The following RYR3 variants were observed in gnomAD, a reference collection of about 807,000 sequenced individuals.
RYR3 encodes the protein brain ryanodine receptor-calcium release channel.
Under a neutral mutation model 584.3 loss-of-function variants are expected in RYR3, and 207 were observed. The ratio of observed to expected loss-of-function variants is 0.35; its 90% CI spans 0.32 to 0.40. The LOEUF is 0.40. RYR3 is among the 10% of genes least tolerant of loss of function. The probability of loss-of-function intolerance (pLI) is 1.00; values close to 1 mark genes in which losing one functional copy is unlikely to be tolerated. For synonymous variants in RYR3, 2,416 were observed against 2,248.5 expected (o/e 1.07, Z -2.11); for missense variants, 5,616 against 6,089.2 (o/e 0.92, Z 2.59).
chr15:33,426,664 T>C (rs1372531212), intron 1 of RYR3, among the ~76,000 whole-genome samples: 1 of 152,254 alleles, frequency 6.6e-6, no homozygotes, highest in Non-Finnish European at 1.5e-5. Flanking sequence ...TAGTTAAGTA[T>C]ATTACCAGCT....
rs563630176 is a variant in RYR3 at position 33,530,263 on chromosome 15, T to C, written c.280-329T>C. 1.4e-4 allele frequency among the ~76,000 whole-genome samples: 21 copies of C among 152,320 alleles called. No homozygotes were observed. The South Asian group carries it at 4.1e-3, about 30-fold the overall frequency. ...TGTTTCTCTCTCTCACTCTGAACGC[T>C]TCTGAGAAGTTTCAAAGGAAGGTAA... is the stretch of plus-strand genomic sequence containing the variant. On this transcript the variant is annotated intron_variant, in intron 3 of 103. Transcript: ENST00000634891.
At chr15:33,861,848 C>G (rs1888350224) in intron 102 of RYR3, among the ~76,000 whole-genome samples, 1 of 152,158 alleles carries the variant, frequency 6.6e-6, no homozygotes, top group African/African-American at 2.4e-5. Flanking sequence ...TGGTCTTGAA[C>G]TCCTGACCTC....
At chr15:33,393,093 G>A (rs74564084) in intron 1 of RYR3, among the ~76,000 whole-genome samples, 221 of 152,290 alleles carry the variant, frequency 1.5e-3, no homozygotes, top group African/African-American at 4.8e-3. Flanking sequence ...CATGGAACCA[G>A]CTCTATCAAG....
chr15:33,662,360 C>T lies in RYR3; in HGVS notation c.4830C>T (p.Leu1610=), dbSNP rs751075558. The T allele has an allele frequency of 5.6e-6, 9 of 1,612,862 alleles. No individual in the cohort carries two copies. The East Asian group carries it at 6.7e-5, about 12-fold the overall frequency. Reference sequence around the variant, plus strand: ...TTCGATCTGGTTTCTATGACCTGCTCATCAGCATCCACCTGGCCAGCGCCA... The same window carrying T: ...TTCGATCTGGTTTCTATGACCTGCTTATCAGCATCCACCTGGCCAGCGCCA... The part of the protein sequence containing the change: ...GLLRSGFYDL[L]ISIHLASAKE... Residue 1610 remains leucine (L), a synonymous_variant, in exon 35 of 104, where the codon CTC becomes CTT. Transcript: ENST00000634891.
intron 3 of RYR3, among the ~76,000 whole-genome samples, chr15:33,515,234 A>G (rs780928242): frequency 1.3e-5 from 2 of 152,204 alleles, no homozygotes; most frequent in Non-Finnish European, 2.9e-5. Context: ...CCTCACCTCC[A>G]CAATGATACT....
At chr15:33,455,159 A>G (rs917499998) in intron 1 of RYR3, among the ~76,000 whole-genome samples, 3 of 152,116 alleles carry the variant, frequency 2.0e-5, no homozygotes, top group Non-Finnish European at 4.4e-5. Context: ...AGGTCTCTCC[A>G]TGGGTGTGTG....
chr15:33,475,359 G>C (rs2049283988), intron 2 of RYR3, among the ~76,000 whole-genome samples: 1 of 152,168 alleles, frequency 6.6e-6, no homozygotes, highest in South Asian at 2.1e-4. Context: ...TTTTATGGAA[G>C]AGAGTTTTTC....
intron 1 of RYR3, among the ~76,000 whole-genome samples, chr15:33,343,098 C>T (rs1247719047): frequency 2.0e-5 from 3 of 152,156 alleles, no homozygotes; most frequent in African/African-American, 7.2e-5. Context: ...CTTCTTACCT[C>T]CCCACTGTAA....
At chr15:33,587,795 A>AT (rs1340983591) in intron 16 of RYR3, among the ~76,000 whole-genome samples, 1 of 152,108 alleles carries the variant, frequency 6.6e-6, no homozygotes, top group Non-Finnish European at 1.5e-5. Flanking sequence ...GATAGCTTTC[A>AT]TTTTCAAAGA....
At chr15:33,498,359 G>C (rs2051631650) in intron 2 of RYR3, among the ~76,000 whole-genome samples, 1 of 152,096 alleles carries the variant, frequency 6.6e-6, no homozygotes, top group African/African-American at 2.4e-5. Flanking sequence ...GTGATTTTTT[G>C]TCATCTTGAT....
At chr15:33,558,786 A>T (rs1307667140) in intron 10 of RYR3, among the ~76,000 whole-genome samples, 1 of 152,224 alleles carries the variant, frequency 6.6e-6, no homozygotes, top group African/African-American at 2.4e-5. Flanking sequence ...CCAATAAATC[A>T]GGAGACAATC....
At chr15:33,477,738 G>GTA (rs2049523702) in intron 2 of RYR3, among the ~76,000 whole-genome samples, 1 of 147,206 alleles carries the variant, frequency 6.8e-6, no homozygotes, top group African/African-American at 2.7e-5. Flanking sequence ...AGCCGGACGT[G>GTA]GTGGCGGGCG....
chr15:33,615,002 T>C (rs2060380244), intron 19 of RYR3, among the ~76,000 whole-genome samples: 1 of 152,184 alleles, frequency 6.6e-6, no homozygotes, highest in Admixed American at 6.5e-5. Flanking sequence ...TACCTACCAG[T>C]TGGATGCTAT....
intron 3 of RYR3, among the ~76,000 whole-genome samples, chr15:33,520,684 C>T (rs764047551): frequency 2.2e-4 from 34 of 151,738 alleles, no homozygotes; most frequent in Non-Finnish European, 3.5e-4. Flanking sequence ...AAATATCTGG[C>T]GATTTGCTCT....
chr15:33,739,095 A>G (rs931767146), intron 50 of RYR3, among the ~76,000 whole-genome samples: 1 of 152,326 alleles, frequency 6.6e-6, no homozygotes, highest in African/African-American at 2.4e-5. Flanking sequence ...TCTGAATCCC[A>G]GGCCTTACTT....
chr15:33,818,725 G>T (rs768310026), intron 76 of RYR3, 41 bp downstream of exon 76: 1 of 1,454,612 alleles, frequency 6.9e-7, no homozygotes, highest in Middle Eastern at 2.0e-4. Context: ...AGGCACCAGG[G>T]ATACTTGTGT....
Position 33,722,486 on chromosome 15 carries a change from A to G in RYR3, c.6620-229A>G, listed in dbSNP as rs565490734. ...AGTGTCAACTCCTAATCTCAAGAGTAGATGAGGCTGGTTCAAGTGCAGTGA... is the reference window on the plus strand; with the variant it reads ...AGTGTCAACTCCTAATCTCAAGAGTGGATGAGGCTGGTTCAAGTGCAGTGA... On this transcript the variant is annotated intron_variant, in intron 43 of 103. Coordinates refer to ENST00000634891, the MANE Select transcript of RYR3 (RefSeq NM_001036.6). 1.6e-4 allele frequency: 89 copies of G among 546,150 alleles called. No individual in the cohort carries two copies. In the South Asian group the frequency reaches 1.8e-3, roughly 11 times the overall value. 33.8% of individuals were successfully genotyped at this position (546,150 alleles called of 1,614,324 possible).
intron 87 of RYR3, among the ~76,000 whole-genome samples, chr15:33,836,320 G>A (rs1316490346): frequency 1.3e-5 from 2 of 151,964 alleles, no homozygotes; most frequent in Non-Finnish European, 2.9e-5. Flanking sequence ...AAGGCACGGA[G>A]GTAGCTTAGC....
chr15:33,707,932 A>G (rs2066833849), intron 43 of RYR3, among the ~76,000 whole-genome samples: 1 of 152,068 alleles, frequency 6.6e-6, no homozygotes, highest in South Asian at 2.1e-4. Flanking sequence ...TCTTCACTGT[A>G]CTATACTATA....
Sources: allele counts gnomAD v4.1 joint callset (sites outside exome capture counted in the v4.1 genomes callset), GRCh38; gene constraint gnomAD v4.1.1; transcripts MANE v1.5; gene names NCBI Gene and HGNC (gene_info 2026-07-23, HGNC 2026-07-21).